NRG1: variants seen among roughly 807,000 people sequenced by gnomAD.
NRG1 encodes neuregulin 1.
In NRG1, 18 loss-of-function variants were observed where a neutral mutation model predicts 63.8. The ratio of observed to expected loss-of-function variants is 0.28; its 90% CI spans 0.19 to 0.42. The LOEUF (loss-of-function observed/expected upper bound fraction) is 0.42. NRG1 is among the 10% of genes least tolerant of loss of function. The pLI, the probability that NRG1 is intolerant of heterozygous loss-of-function variation, is 1.00. For missense variants in NRG1, 762 were observed against 814.7 expected, an observed-to-expected ratio of 0.94 and a Z score of 0.79; for synonymous variants, 302 against 301.3, an observed-to-expected ratio of 1.00 and a Z score of -0.02.
intron 1 of NRG1, among the ~76,000 whole-genome samples, chr8:32,244,920 ACCAGT>A (rs1323950086): frequency 1.3e-5 from 2 of 152,182 alleles, no homozygotes; most frequent in East Asian, 3.9e-4. Flanking sequence ...CCCTGAGCAT[ACCAGT>A]CCAGCAAATT....
rs529052880 is a variant in NRG1 at position 32,748,319 on chromosome 8, G to T, written c.691+5586G>T. 4.1e-5 allele frequency among the ~76,000 whole-genome samples: 6 copies of T among 146,452 alleles called. No homozygotes were observed. In the South Asian group the frequency reaches 1.3e-3, roughly 32 times the overall value. ...CTGCTTCTTGACCACACACATAGGC[G>T]CATGTACACGCGCGCGCGCGCACAC... is the stretch of plus-strand genomic sequence containing the variant. On this transcript the variant is annotated intron_variant, in intron 7 of 11. Coordinates refer to ENST00000356819, the Ensembl canonical transcript of NRG1.
chr8:32,772,200 C>T (rs537293790), downstream of NRG1, among the ~76,000 whole-genome samples: 27 of 151,610 alleles, frequency 1.8e-4, no homozygotes, highest in Admixed American at 1.4e-3. Context: ...TAATTCCTCA[C>T]GTCCTCTTCA....
intron 1 of NRG1, among the ~76,000 whole-genome samples, chr8:31,910,964 G>C (rs967689072): frequency 2.0e-5 from 3 of 152,130 alleles, no homozygotes; most frequent in Non-Finnish European, 4.4e-5. Context: ...ATCTTTCAAG[G>C]AGTGTGAAGT....
intron 1 of NRG1, among the ~76,000 whole-genome samples, chr8:31,780,437 T>A (rs994202413): frequency 6.6e-6 from 1 of 152,186 alleles, no homozygotes; most frequent in East Asian, 1.9e-4. Flanking sequence ...AGAATTAAGA[T>A]AGGTCAAATA....
intron 1 of NRG1, among the ~76,000 whole-genome samples, chr8:32,190,547 T>C (rs916716935): frequency 6.6e-6 from 1 of 152,196 alleles, no homozygotes; most frequent in African/African-American, 2.4e-5. Flanking sequence ...TTAAGTACTC[T>C]GAAGAGCAAG....
chr8:32,078,757 C>A (rs966742435), intron 1 of NRG1, among the ~76,000 whole-genome samples: 18 of 151,990 alleles, frequency 1.2e-4, no homozygotes, highest in African/African-American at 4.4e-4. Flanking sequence ...TATGTCCGGC[C>A]CACTCTCCTG....
At chr8:32,644,571 T>C (rs957595029) in intron 5 of NRG1, among the ~76,000 whole-genome samples, 3 of 152,152 alleles carry the variant, frequency 2.0e-5, no homozygotes, top group African/African-American at 7.2e-5. Flanking sequence ...AAAGCAATGT[T>C]ATAGGAAGCT....
At chr8:31,972,998 T>G (rs767162875) in intron 1 of NRG1, among the ~76,000 whole-genome samples, 12 of 152,188 alleles carry the variant, frequency 7.9e-5, no homozygotes, top group Non-Finnish European at 1.2e-4. Context: ...ATGTATAAAT[T>G]TATGGGGAGA....
At chr8:32,760,975 AT>A in intron 11 of NRG1, 1 of 986,306 alleles carries the variant, frequency 1.0e-6, no homozygotes, top group Non-Finnish European at 1.2e-6. Context: ...GAATAAATAA[AT>A]CTCTTGGATG....
At chr8:32,196,367 C>T (rs1287781636) in intron 1 of NRG1, among the ~76,000 whole-genome samples, 1 of 152,110 alleles carries the variant, frequency 6.6e-6, no homozygotes, top group African/African-American at 2.4e-5. Context: ...AGCATGAGGG[C>T]TGAGAGCTGC....
At chr8:32,064,388 C>T (rs1314867510) in intron 1 of NRG1, among the ~76,000 whole-genome samples, 2 of 152,016 alleles carry the variant, frequency 1.3e-5, no homozygotes, top group African/African-American at 4.8e-5. Context: ...CTGTCAAAAC[C>T]ATTTGTTCCC....
chr8:32,200,351 G>A (rs529486036), intron 1 of NRG1, among the ~76,000 whole-genome samples: 1 of 152,204 alleles, frequency 6.6e-6, no homozygotes, highest in South Asian at 2.1e-4. Flanking sequence ...TGTTCTCTTA[G>A]TGTTCATTTC....
intron 1 of NRG1, among the ~76,000 whole-genome samples, chr8:31,757,109 A>G (rs1817047998): frequency 6.6e-6 from 1 of 152,190 alleles, no homozygotes; most frequent in African/African-American, 2.4e-5. Context: ...TCTCTGGGAT[A>G]TGCTTTGAGA....
chr8:32,747,530 A>G (rs970682025), intron 7 of NRG1, among the ~76,000 whole-genome samples: 7 of 152,056 alleles, frequency 4.6e-5, no homozygotes, highest in African/African-American at 2.4e-5. Flanking sequence ...CTGGATTTGA[A>G]TAAATTATTT....
intron 1 of NRG1, among the ~76,000 whole-genome samples, chr8:31,800,516 T>G (rs1821661070): frequency 6.6e-6 from 1 of 152,198 alleles, no homozygotes; most frequent in Non-Finnish European, 1.5e-5. Context: ...TAGGACGATC[T>G]TCACCTAATG....
chr8:32,714,724 T>C (rs1028773231), intron 5 of NRG1, among the ~76,000 whole-genome samples: 2 of 152,208 alleles, frequency 1.3e-5, no homozygotes, highest in Admixed American at 6.5e-5. Context: ...CAGGATGCAC[T>C]TTGATTTTTC....
chr8:32,087,043 C>T (rs1828331488), intron 1 of NRG1, among the ~76,000 whole-genome samples: 1 of 152,188 alleles, frequency 6.6e-6, no homozygotes, highest in Admixed American at 6.5e-5. Flanking sequence ...ATTTCTCCCA[C>T]TTCCCAGCCC....
intron 1 of NRG1, among the ~76,000 whole-genome samples, chr8:32,460,626 G>A (rs1469560936): frequency 6.6e-6 from 1 of 152,042 alleles, no homozygotes; most frequent in East Asian, 1.9e-4. Context: ...ATTTTACTTT[G>A]CCAGCCTATG....
chr8:32,076,003 T>A (rs905674194), intron 1 of NRG1, among the ~76,000 whole-genome samples: 2 of 152,292 alleles, frequency 1.3e-5, no homozygotes, highest in African/African-American at 4.8e-5. Context: ...TTTCCAATAT[T>A]TTTGATCTAT....
Sources: allele counts gnomAD v4.1 joint callset (sites outside exome capture counted in the v4.1 genomes callset), GRCh38; gene constraint gnomAD v4.1.1; transcripts MANE v1.5; gene names NCBI Gene and HGNC (gene_info 2026-07-23, HGNC 2026-07-21).